Variants in ANTXR1 observed in about 807,000 individuals in gnomAD.
The protein encoded by ANTXR1 is anthrax toxin receptor 1.
ANTXR1 carries 19 observed loss-of-function variants against 78.1 expected under a neutral mutation model. The observed-to-expected ratio is 0.24, with a 90% CI of 0.17 to 0.36. The LOEUF (loss-of-function observed/expected upper bound fraction) is 0.36. Among genes scored for constraint, ANTXR1 ranks in the 10% least tolerant of loss-of-function variants. The probability of loss-of-function intolerance (pLI) is 1.00; values close to 1 mark genes in which losing one functional copy is unlikely to be tolerated. For missense variants in ANTXR1, 518 were observed against 718.6 expected (o/e 0.72, Z 3.19); for synonymous variants, 273 against 260.5 (o/e 1.05, Z -0.46).
In ANTXR1 at chr2:69,084,736, C is replaced by A. The variant is rs184039580; in HGVS notation, c.643-6123C>A. 2.7e-3 allele frequency among the ~76,000 whole-genome samples: 408 copies of A among 151,102 alleles called. 1 individual carries two copies. The highest frequency in any genetic ancestry group is 9.3e-3 in the African/African-American group (381 of 41,120). ...ATGAGCCACTGCACGTGGCCATATT[C>A]CATTTTTATTTAAAGTCAGATTCTA... is the stretch of plus-strand genomic sequence containing the variant. On this transcript the variant is annotated intron_variant, in intron 8 of 17. Transcript: ENST00000303714.
At chr2:69,194,878 G>T (rs977924466) in intron 17 of ANTXR1, among the ~76,000 whole-genome samples, 7 of 150,834 alleles carry the variant, frequency 4.6e-5, no homozygotes, top group African/African-American at 7.3e-5. Flanking sequence ...TGTTAAGAAA[G>T]AAATGCTCGG....
intron 16 of ANTXR1, among the ~76,000 whole-genome samples, chr2:69,191,726 C>G (rs1674550559): frequency 6.6e-6 from 1 of 152,108 alleles, no homozygotes; most frequent in Non-Finnish European, 1.5e-5. Flanking sequence ...GCTGAGAAAC[C>G]CTATGTTCTA....
chr2:69,114,161 A>G (rs1457786314), intron 10 of ANTXR1, among the ~76,000 whole-genome samples: 1 of 152,264 alleles, frequency 6.6e-6, no homozygotes, highest in Non-Finnish European at 1.5e-5. Flanking sequence ...GTATTTCCCA[A>G]GACATTAATT....
intron 14 of ANTXR1, among the ~76,000 whole-genome samples, chr2:69,178,670 C>G (rs1674195656): frequency 6.6e-6 from 1 of 152,196 alleles, no homozygotes; most frequent in Admixed American, 6.5e-5. Flanking sequence ...CTTACTATAT[C>G]CTGAGCACTC....
chr2:69,150,977 T>C (rs532268814), intron 12 of ANTXR1, among the ~76,000 whole-genome samples: 1 of 152,202 alleles, frequency 6.6e-6, no homozygotes, highest in Non-Finnish European at 1.5e-5. Flanking sequence ...TGAGCTATGA[T>C]CACACCACTA....
At chr2:69,180,622 C>T (rs1674250803) in intron 14 of ANTXR1, among the ~76,000 whole-genome samples, 2 of 152,344 alleles carry the variant, frequency 1.3e-5, no homozygotes, top group South Asian at 4.1e-4. Context: ...TCTTATTTAA[C>T]TTATTTGTAA....
At chr2:69,221,576 G>A (rs111415160) in intron 17 of ANTXR1, among the ~76,000 whole-genome samples, 7,423 of 152,078 alleles carry the variant, frequency 0.049, 629 homozygotes, top group African/African-American at 0.17. Context: ...GGGTGACCCT[G>A]GAGTCACTGG....
intron 3 of ANTXR1, among the ~76,000 whole-genome samples, chr2:69,054,363 C>G (rs1670011205): frequency 6.6e-6 from 1 of 152,088 alleles, no homozygotes; most frequent in South Asian, 2.1e-4. Flanking sequence ...AATTCACCAC[C>G]CAAACCCTCT....
chr2:69,166,495 C>T (rs1380599724), intron 13 of ANTXR1, among the ~76,000 whole-genome samples: 1 of 152,136 alleles, frequency 6.6e-6, no homozygotes, highest in Non-Finnish European at 1.5e-5. Context: ...CCCAAGGAGG[C>T]AAATGGTCAC....
At chr2:69,104,570 G>T (rs1671741637) in intron 10 of ANTXR1, among the ~76,000 whole-genome samples, 1 of 152,178 alleles carries the variant, frequency 6.6e-6, no homozygotes, top group Admixed American at 6.5e-5. Flanking sequence ...TGTCAATTGT[G>T]ATGTCACTTA....
Position 69,013,393 on chromosome 2 carries a change from A to G in ANTXR1, c.-107A>G. The G allele has an allele frequency of 6.7e-7, 1 of 1,484,162 alleles. No homozygotes were observed. Among genetic ancestry groups the G allele is most frequent in the Admixed American group, 2.0e-5 (1 of 50,844 alleles). The allele number at this position is 1,484,162 out of a possible 1,614,324, so 91.9% of individuals were successfully genotyped here. ...GGGAGTTGCGAGGGAGCGAGGGGGAATAAAGGACCCGCGAGGAAGGGCCCG... is the reference window on the plus strand; with the variant it reads ...GGGAGTTGCGAGGGAGCGAGGGGGAGTAAAGGACCCGCGAGGAAGGGCCCG... On this transcript the variant is annotated 5_prime_UTR_variant, in exon 1 of 18. Transcript: ENST00000303714. The surrounding 1 kb of genome is among the most constrained non-coding windows in gnomAD (Gnocchi z 5.0).
intron 13 of ANTXR1, among the ~76,000 whole-genome samples, chr2:69,169,401 C>T (rs1174329179): frequency 1.3e-5 from 2 of 152,234 alleles, no homozygotes; most frequent in African/African-American, 4.8e-5. Flanking sequence ...TGCCAAATGC[C>T]ATGTAAGAGA....
intron 3 of ANTXR1, among the ~76,000 whole-genome samples, chr2:69,070,418 A>G (rs1218984881): frequency 6.6e-6 from 1 of 152,190 alleles, no homozygotes. Context: ...AAGCAGATGG[A>G]GAGTCCTGCA....
At chr2:69,124,824 CCA>C (rs1328075490) in intron 12 of ANTXR1, among the ~76,000 whole-genome samples, 181 bp downstream of exon 12, 1 of 152,152 alleles carries the variant, frequency 6.6e-6, no homozygotes, top group Non-Finnish European at 1.5e-5. Context: ...GTGCTGTACC[CCA>C]GAGTGTATCA....
At chr2:69,032,010 A>G (rs978573603) in intron 1 of ANTXR1, among the ~76,000 whole-genome samples, 27 of 150,552 alleles carry the variant, frequency 1.8e-4, no homozygotes, top group Non-Finnish European at 5.9e-5. Context: ...TTATGTATGT[A>G]AAGATATTGT....
At chr2:69,170,127 T>C (rs1425308071) in intron 13 of ANTXR1, 121 bp from the exon 14 acceptor site, 7 of 1,071,724 alleles carry the variant, frequency 6.5e-6, no homozygotes, top group Non-Finnish European at 1.0e-5. Flanking sequence ...TAAGCCCGAC[T>C]TGCTGGGGCC....
At chr2:69,204,622 G>C (rs1674852837) in intron 17 of ANTXR1, among the ~76,000 whole-genome samples, 1 of 152,124 alleles carries the variant, frequency 6.6e-6, no homozygotes. Context: ...GGCAAGACTG[G>C]AAACCCACCA....
intron 13 of ANTXR1, among the ~76,000 whole-genome samples, chr2:69,154,213 G>A (rs1191679685): frequency 6.6e-5 from 10 of 152,178 alleles, no homozygotes; most frequent in Non-Finnish European, 4.4e-5. Flanking sequence ...TTAAGTCCCT[G>A]TTGCTTTGGA....
chr2:69,142,088 T>C (rs11681129), intron 12 of ANTXR1, among the ~76,000 whole-genome samples: 11,693 of 152,300 alleles, frequency 0.077, 685 homozygotes, highest in East Asian at 0.33. Flanking sequence ...TGCAACTTAC[T>C]CAAAGCCCAC....
Sources: allele counts gnomAD v4.1 joint callset (sites outside exome capture counted in the v4.1 genomes callset), GRCh38; gene constraint gnomAD v4.1.1; non-coding constraint Gnocchi (gnomAD v3.1); transcripts MANE v1.5; gene names NCBI Gene and HGNC (gene_info 2026-07-23, HGNC 2026-07-21).